Variants in LMF1 observed in about 807,000 individuals in gnomAD.
The protein encoded by LMF1 is transmembrane protein 112.
In LMF1, 68 loss-of-function variants were observed where a neutral mutation model predicts 60.6. The ratio of observed to expected loss-of-function variants is 1.12; its 90% CI spans 0.92 to 1.37. The LOEUF is 1.37. Ranked by LOEUF, LMF1 falls within the 40% of genes most tolerant of loss-of-function variation. LMF1 has a pLI of 0.00. For synonymous variants in LMF1, 418 were observed against 324.7 expected (o/e 1.29, Z -3.09); for missense variants, 948 against 767.2 (o/e 1.24, Z -2.78).
intron 4 of LMF1, chr16:899,925 G>A (rs1340762615): frequency 1.3e-5 from 2 of 152,262 alleles, no homozygotes; most frequent in African/African-American, 4.8e-5. Flanking sequence ...GTGCCCGTGA[G>A]GGTCGGAGGC....
intron 4 of LMF1, among the ~76,000 whole-genome samples, chr16:906,128 T>G (rs990933478): frequency 1.3e-5 from 2 of 152,256 alleles, no homozygotes; most frequent in African/African-American, 4.8e-5. Context: ...CAAAGGCTTC[T>G]TTCTCTCAGT....
At chr16:973,199 G>T (rs1170980742), upstream of LMF1, among the ~76,000 whole-genome samples, 1 of 152,100 alleles carries the variant, frequency 6.6e-6, no homozygotes, top group Non-Finnish European at 1.5e-5. Context: ...AAAAAAATTA[G>T]CCAGGTGTGG....
chr16:867,986 T>C (rs1286241440), intron 10 of LMF1, among the ~76,000 whole-genome samples: 2 of 151,996 alleles, frequency 1.3e-5, no homozygotes, highest in Non-Finnish European at 2.9e-5. Context: ...AGCTCCCGAG[T>C]GTTCTTGGAG....
At chr16:876,219 G>A (rs1215124513) in intron 6 of LMF1, among the ~76,000 whole-genome samples, 3 of 152,260 alleles carry the variant, frequency 2.0e-5, no homozygotes, top group Non-Finnish European at 4.4e-5. Context: ...TGCAGGAGGT[G>A]CAGGAGCCCA....
intron 6 of LMF1, chr16:873,614 TGCCTGTTCGCGGGGACCCTCCGCCGAGGA>T (rs2069875816): frequency 2.5e-5 from 1 of 39,544 alleles, no homozygotes; most frequent in Non-Finnish European, 5.9e-5. Context: ...GCCGAGGACA[TGCCTGTTCGCGGGGACCCTCCGCCGAGGA>T]CACCCCTGCG....
chr16:969,895 T>C (rs1486563115), intron 1 of LMF1, among the ~76,000 whole-genome samples: 3 of 152,186 alleles, frequency 2.0e-5, no homozygotes, highest in Admixed American at 1.3e-4. Context: ...TTGTAGGGAC[T>C]GGGGAGAGAG....
At chr16:904,487 CCGCCCACAGGA>C (rs2070918289) in intron 4 of LMF1, among the ~76,000 whole-genome samples, 4 of 44,466 alleles carry the variant, frequency 9.0e-5, no homozygotes, top group Admixed American at 3.1e-4. Flanking sequence ...GACCTCTGCA[CCGCCCACAGGA>C]CGCCTGTCTC....
At chr16:889,867 C>A (rs544454572) in intron 5 of LMF1, among the ~76,000 whole-genome samples, 1 of 152,166 alleles carries the variant, frequency 6.6e-6, no homozygotes, top group African/African-American at 2.4e-5. Context: ...CATCCTCGTC[C>A]GAGACACAAG....
chr16:955,904 G>A (rs374730317), intron 1 of LMF1, among the ~76,000 whole-genome samples: 1 of 137,714 alleles, frequency 7.3e-6, no homozygotes, highest in Non-Finnish European at 1.5e-5. Flanking sequence ...TGCCCTCTAC[G>A]CAGACCACAG....
chr16:855,849 C>G (rs1022100611), intron 10 of LMF1: 2 of 455,958 alleles, frequency 4.4e-6, no homozygotes, highest in Non-Finnish European at 8.8e-6. Flanking sequence ...CACAGCTGTG[C>G]TCTGGGGGCT....
chr16:952,218 T>A (rs1007737393), intron 2 of LMF1, among the ~76,000 whole-genome samples: 3 of 152,074 alleles, frequency 2.0e-5, no homozygotes, highest in African/African-American at 7.2e-5. Context: ...CACCAGCAAC[T>A]GGACCTGGCA....
At chr16:971,673 C>T (rs537957899), upstream of LMF1, among the ~76,000 whole-genome samples, 7 of 152,304 alleles carry the variant, frequency 4.6e-5, no homozygotes, top group Admixed American at 6.5e-5. Flanking sequence ...TGAAGGAGGA[C>T]GCCAGCACTC....
At position 871,423 on chromosome 16, in the gene LMF1, G is replaced by T. The variant is rs996530731; in HGVS notation, c.898-82C>A. 3.0e-5 allele frequency: 42 copies of T among 1,388,742 alleles called. 2 individuals are homozygous for T. In the African/African-American group the frequency reaches 4.0e-4, roughly 13 times the overall value. 86.0% of individuals were successfully genotyped at this position (1,388,742 alleles called of 1,614,324 possible). ...GCTGGCGCCTCTCTTCCTGGAGCAG[G>T]GAGGGGGGAGGGAACCTGCACCCAG... On this transcript the variant is annotated intron_variant, in intron 6 of 10. Transcript: ENST00000262301.
chr16:861,258 C>CT (rs951645284), intron 10 of LMF1, among the ~76,000 whole-genome samples: 11 of 151,022 alleles, frequency 7.3e-5, no homozygotes, highest in African/African-American at 2.7e-4. Flanking sequence ...ATTTAGGTGT[C>CT]TGTGTGTTCA....
At chr16:919,081 G>A (rs962386232) in intron 3 of LMF1, among the ~76,000 whole-genome samples, 88 of 152,240 alleles carry the variant, frequency 5.8e-4, no homozygotes, top group African/African-American at 2.0e-3. Flanking sequence ...GCATGTCGGC[G>A]TGGACTCCCA....
chr16:928,729 A>G (rs1244611284), intron 3 of LMF1, among the ~76,000 whole-genome samples: 1 of 87,166 alleles, frequency 1.1e-5, no homozygotes, highest in Non-Finnish European at 2.5e-5. Flanking sequence ...CCCACCCCAC[A>G]CCCCCACGGG....
At chr16:877,737 G>A (rs78658029) in intron 6 of LMF1, among the ~76,000 whole-genome samples, 4,169 of 152,234 alleles carry the variant, frequency 0.027, 192 homozygotes, top group African/African-American at 0.093. Flanking sequence ...ACTCGAGCCC[G>A]CCCAGCAGGG....
At chr16:908,013 G>A (rs572628490) in intron 4 of LMF1, among the ~76,000 whole-genome samples, 39 of 152,312 alleles carry the variant, frequency 2.6e-4, no homozygotes, top group Non-Finnish European at 4.3e-4. Context: ...GCTCCTCTGC[G>A]GGGCCGGCTC....
In LMF1 at chr16:870,605, G is replaced by A. The variant is rs562029525; in HGVS notation, c.1232+124C>T. 6 of 1,131,478 alleles carry A rather than the reference G, an allele frequency of 5.3e-6. No individual in the cohort carries two copies. The African/African-American group carries it at 9.1e-5, about 17-fold the overall frequency. 70.1% of individuals were successfully genotyped at this position (1,131,478 alleles called of 1,614,324 possible). The stretch of plus-strand genomic sequence containing the variant: ...GCACGGCCTGTGCCTGGGTCAGGCT[G>A]GGGTGGGGCAGGGGACACTTGGGGT... On this transcript the variant is annotated intron_variant, in intron 8 of 10. Coordinates refer to ENST00000262301, the MANE Select transcript of LMF1 (RefSeq NM_022773.4).
Sources: gnomAD v4.1 joint callset for allele counts (sites outside exome capture counted in the v4.1 genomes callset) on GRCh38, gnomAD v4.1.1 for gene constraint, MANE v1.5 for transcripts, NCBI Gene and HGNC (gene_info 2026-07-23, HGNC 2026-07-21) for gene names.